USP25: variants seen among roughly 807,000 people sequenced by gnomAD.
USP25 encodes the protein ubiquitin carboxyl-terminal hydrolase 25.
A neutral mutation model predicts 158.5 loss-of-function variants in USP25; 85 were observed. That is an observed-to-expected ratio of 0.54 (90% confidence interval 0.45 to 0.64). The LOEUF is 0.64. Ranked by LOEUF, USP25 falls within the 30% of genes least tolerant of loss-of-function variation. The probability of loss-of-function intolerance (pLI) is 0.00; values close to 1 mark genes in which losing one functional copy is unlikely to be tolerated. For missense variants in USP25, 1,242 were observed against 1,327.3 expected (o/e 0.94, Z 1.00); for synonymous variants, 464 against 460.4 (o/e 1.01, Z -0.10).
intron 1 of USP25, among the ~76,000 whole-genome samples, chr21:15,747,462 T>C (rs1402412820): frequency 6.6e-6 from 1 of 151,952 alleles, no homozygotes; most frequent in Non-Finnish European, 1.5e-5. Context: ...AATTAGGCAC[T>C]ATATAACTAT....
intron 4 of USP25, among the ~76,000 whole-genome samples, chr21:15,786,520 G>C (rs2035283457): frequency 6.6e-6 from 1 of 151,974 alleles, no homozygotes; most frequent in Non-Finnish European, 1.5e-5. Context: ...AAAGAGAACG[G>C]AAACCATATA....
chr21:15,787,900 T>TCCCC (rs1318568088), intron 4 of USP25, among the ~76,000 whole-genome samples: 480 of 69,752 alleles, frequency 6.9e-3, no homozygotes, highest in Non-Finnish European at 0.011. Context: ...TAACACCCCC[T>TCCCC]CACCCCCCCC....
chr21:15,781,897 C>T (rs922198539), intron 4 of USP25, among the ~76,000 whole-genome samples: 4 of 152,180 alleles, frequency 2.6e-5, no homozygotes, highest in Non-Finnish European at 4.4e-5. Flanking sequence ...ACACCCTGCA[C>T]CCCTGCAATC....
rs541367588 is a variant in USP25, at chr21:15,759,584, T to A, written c.46-3307T>A. ...TTCTGATTGGCAATTGGTTGAGTTA[T>A]TATCAATAGAAAGGAATGTCTGGGT... On this transcript the variant is annotated intron_variant, in intron 1 of 25. Coordinates refer to ENST00000400183, the MANE Select transcript of USP25 (RefSeq NM_001283041.3). Among the ~76,000 whole-genome samples the A allele has an allele frequency of 1.3e-4, 20 of 152,318 alleles. No individual in the cohort carries two copies. The South Asian group carries it at 4.1e-3, about 32-fold the overall frequency.
chr21:15,849,675 T>C (rs534121893), intron 19 of USP25, 102 bp from the exon 20 acceptor site: 2 of 912,802 alleles, frequency 2.2e-6, no homozygotes, highest in Non-Finnish European at 3.2e-6. Flanking sequence ...AAGTGCAACA[T>C]TTGATTTATA....
At chr21:15,857,984 T>TAAATCCC (rs1441634074) in intron 20 of USP25, among the ~76,000 whole-genome samples, 36 of 115,746 alleles carry the variant, frequency 3.1e-4, no homozygotes, top group African/African-American at 1.0e-3. Context: ...GGATTTATAC[T>TAAATCCC]TAATGATATA....
chr21:15,762,873 G>T lies in USP25; in HGVS notation c.46-18G>T, dbSNP rs540181948. ...CAGAGTTGAGAATATAATGATTTTG[G>T]GTTTTTCCTCCCTCTAGCACCAGCA... is the stretch of plus-strand genomic sequence containing the variant. On this transcript the variant is annotated intron_variant, in intron 1 of 25. Coordinates refer to ENST00000400183, the MANE Select transcript of USP25 (RefSeq NM_001283041.3). 38 of 1,600,868 alleles carry T rather than the reference G, an allele frequency of 2.4e-5. No individual in the cohort carries two copies. Among genetic ancestry groups the T allele is most frequent in the South Asian group, 2.1e-4 (19 of 88,450 alleles).
intron 1 of USP25, among the ~76,000 whole-genome samples, chr21:15,750,181 CGTGTGTGT>C (rs367779613): frequency 1.1e-4 from 14 of 126,942 alleles, no homozygotes; most frequent in Middle Eastern, 3.6e-3. Context: ...TCTCCAGTGC[CGTGTGTGT>C]GTGTGTGTGT....
chr21:15,730,203 C>T lies in USP25; in HGVS notation c.-191C>T. On this transcript the variant is annotated 5_prime_UTR_variant, in exon 1 of 26. Transcript: ENST00000400183. ...CGGCCGCCGTGGCCCTCACAGTCGG[C>T]GTTTCGCCGCCTGCCCGCGGTGCCC... 5 of 453,214 alleles carry T rather than the reference C, an allele frequency of 1.1e-5. No homozygotes were observed. The highest frequency in any genetic ancestry group is 1.5e-5 in the Non-Finnish European group (5 of 344,638). The allele number at this position is 453,214 out of a possible 1,614,324, so 28.1% of individuals were successfully genotyped here. A position where few individuals can be genotyped will look rare whatever the true frequency, so the allele number is the denominator to read the frequency against.
chr21:15,795,669 C>T (rs1347519643), intron 5 of USP25, among the ~76,000 whole-genome samples: 1 of 151,520 alleles, frequency 6.6e-6, no homozygotes, highest in Non-Finnish European at 1.5e-5. Context: ...CTGTGACATA[C>T]AATTTGACTG....
At chr21:15,787,669 C>T (rs1312421192) in intron 4 of USP25, among the ~76,000 whole-genome samples, 1 of 151,862 alleles carries the variant, frequency 6.6e-6, no homozygotes, top group African/African-American at 2.4e-5. Flanking sequence ...ATTAAAAATA[C>T]CGTTAGTTTT....
Position 15,830,550 on chromosome 21 carries a change from C to T in USP25, c.1713C>T (p.Ser571=). 1.2e-6 allele frequency: 2 copies of T among 1,604,498 alleles called. No homozygotes were observed. Among genetic ancestry groups the T allele is most frequent in the Non-Finnish European group, 1.7e-6 (2 of 1,175,858 alleles). The stretch of plus-strand genomic sequence containing the variant: ...CCTTAGATTTGCAGGAAAGCATATC[C>T]AGAATCCATCGAACAATTGAATTAA... The part of the protein sequence containing the change: ...NDTRDLQESI[S]RIHRTIELMY... Residue 571 remains serine, a synonymous_variant, in exon 15 of 26, where the codon TCC becomes TCT. Coordinates refer to ENST00000400183, the MANE Select transcript of USP25 (RefSeq NM_001283041.3).
intron 23 of USP25, among the ~76,000 whole-genome samples, chr21:15,870,464 T>G (rs2039839588): frequency 6.6e-6 from 1 of 152,200 alleles, no homozygotes. Flanking sequence ...CAGTCTGTCT[T>G]TGTGAACTTT....
At position 15,805,103 on chromosome 21, in the gene USP25, GT is replaced by G. The variant is rs760824980; in HGVS notation, c.643-11del. Reference sequence around the variant, plus strand: ...CTTCAGTTAAGGTGTTTTTGTTTTTGTTTTTTTCCTTCAATAGGAACATCGG... The same window carrying G: ...CTTCAGTTAAGGTGTTTTTGTTTTTGTTTTTTCCTTCAATAGGAACATCGG... On this transcript the variant is annotated splice_polypyrimidine_tract_variant and intron_variant, in intron 6 of 25. Coordinates refer to ENST00000400183, the MANE Select transcript of USP25 (RefSeq NM_001283041.3). 7.7e-6 allele frequency: 12 copies of G among 1,556,826 alleles called. No individual in the cohort carries two copies. Among genetic ancestry groups the G allele is most frequent in the African/African-American group, 1.4e-5 (1 of 71,048 alleles).
rs1303472864 is a variant in USP25 at position 15,879,908 on chromosome 21, T to C, written c.*1433T>C. On this transcript the variant is annotated 3_prime_UTR_variant, in exon 26 of 26. Coordinates refer to ENST00000400183, the MANE Select transcript of USP25 (RefSeq NM_001283041.3). ...TTGTAAAGTTAGATTTTGCATATTG[T>C]ATCTATCAAAATATGTTTGGGTTTA... The C allele has an allele frequency of 6.6e-6, 1 of 152,270 alleles. No homozygotes were observed. Among genetic ancestry groups the C allele is most frequent in the East Asian group, 1.9e-4 (1 of 5,198 alleles). 9.4% of individuals were successfully genotyped at this position (152,270 alleles called of 1,614,324 possible).
chr21:15,856,511 G>A (rs1032645487), intron 20 of USP25, among the ~76,000 whole-genome samples: 3 of 149,294 alleles, frequency 2.0e-5, no homozygotes, highest in East Asian at 2.0e-4. Flanking sequence ...TCGCTCTGTC[G>A]CCCAGGCTGG....
chr21:15,730,834 C>G (rs8134308), intron 1 of USP25, among the ~76,000 whole-genome samples: 6,963 of 152,212 alleles, frequency 0.046, 518 homozygotes, highest in African/African-American at 0.16. Flanking sequence ...TGTACCAGGC[C>G]TGCTATTTTG....
chr21:15,785,955 T>C (rs1170934290), intron 4 of USP25, among the ~76,000 whole-genome samples: 1 of 146,836 alleles, frequency 6.8e-6, no homozygotes, highest in South Asian at 2.1e-4. Flanking sequence ...AAACCAGACA[T>C]GAAAAATGAA....
intron 1 of USP25, among the ~76,000 whole-genome samples, chr21:15,730,974 C>CTTTTTTTTTT (rs1420306163): frequency 3.3e-5 from 2 of 60,340 alleles, no homozygotes; most frequent in African/African-American, 7.7e-5. Flanking sequence ...TTCTTCTTTT[C>CTTTTTTTTTT]TGTTTTTTTT....
Sources: allele counts gnomAD v4.1 joint callset (sites outside exome capture counted in the v4.1 genomes callset), GRCh38; gene constraint gnomAD v4.1.1; transcripts MANE v1.5; gene names NCBI Gene and HGNC (gene_info 2026-07-23, HGNC 2026-07-21).